Variants in CSMD1 observed in about 807,000 individuals in gnomAD.
The protein encoded by CSMD1 is CUB and Sushi multiple domains 1.
A neutral mutation model predicts 417.5 loss-of-function variants in CSMD1; 213 were observed. The ratio of observed to expected loss-of-function variants is 0.51; its 90% CI spans 0.46 to 0.57. CSMD1 has a LOEUF of 0.57. CSMD1 is among the 20% of genes least tolerant of loss of function. The pLI, the probability that CSMD1 is intolerant of heterozygous loss-of-function variation, is 0.00. For missense variants in CSMD1, 6,923 were observed against 4,529.7 expected (o/e 1.53, Z -15.17); for synonymous variants, 2,862 against 1,736.8 (o/e 1.65, Z -16.11).
chr8:3,920,934 T>C (rs1219611307), intron 5 of CSMD1, among the ~76,000 whole-genome samples: 1 of 152,166 alleles, frequency 6.6e-6, no homozygotes, highest in Non-Finnish European at 1.5e-5. Flanking sequence ...TGTACATTTC[T>C]TTTATTGTAA....
At chr8:2,954,359 C>A in intron 64 of CSMD1, 91 bp from the exon 65 acceptor site, 1 of 754,084 alleles carries the variant, frequency 1.3e-6, no homozygotes, top group Non-Finnish European at 2.1e-6. Context: ...ATTTTCCTTT[C>A]TCCAGATTTT....
chr8:4,898,164 G>C (rs1029171794), intron 1 of CSMD1, among the ~76,000 whole-genome samples: 15 of 152,186 alleles, frequency 9.9e-5, no homozygotes, highest in African/African-American at 3.6e-4. Context: ...TCTGATATTT[G>C]AGGGAGGAAT....
intron 5 of CSMD1, among the ~76,000 whole-genome samples, chr8:3,812,224 A>C (rs1801129169): frequency 1.3e-5 from 2 of 152,196 alleles, no homozygotes; most frequent in Non-Finnish European, 2.9e-5. Context: ...TTGTACTCAA[A>C]AGATACAGGA....
At chr8:3,512,857 A>G (rs752458841) in intron 10 of CSMD1, among the ~76,000 whole-genome samples, 1 of 152,058 alleles carries the variant, frequency 6.6e-6, no homozygotes, top group East Asian at 1.9e-4. Flanking sequence ...CGGCCTCCCA[A>G]AATGCTGGGA....
chr8:4,585,931 A>T (rs1799677227), intron 2 of CSMD1, among the ~76,000 whole-genome samples: 1 of 152,234 alleles, frequency 6.6e-6, no homozygotes, highest in Non-Finnish European at 1.5e-5. Context: ...TGTAACAATA[A>T]AATTATTGAT....
chr8:3,793,105 C>T (rs892179843), intron 5 of CSMD1, among the ~76,000 whole-genome samples: 17 of 152,124 alleles, frequency 1.1e-4, no homozygotes, highest in African/African-American at 3.9e-4. Flanking sequence ...AAAAGTGTCT[C>T]GAGGAGGATA....
rs904498456 is a variant in CSMD1 at position 4,200,620 on chromosome 8, C to G, written c.416-168521G>C. ...GCCTGAAATCCCAGCACTTTGTAGG[C>G]TGAGGTGGGAGGATTTCTTGAGACT... On this transcript the variant is annotated intron_variant, in intron 3 of 69. Transcript: ENST00000635120. 4.6e-5 allele frequency among the ~76,000 whole-genome samples: 7 copies of G among 152,220 alleles called. No individual in the cohort carries two copies. The South Asian group carries it at 1.2e-3, about 27-fold the overall frequency.
At chr8:3,976,508 T>G (rs943942745) in intron 5 of CSMD1, among the ~76,000 whole-genome samples, 2 of 152,182 alleles carry the variant, frequency 1.3e-5, no homozygotes, top group African/African-American at 4.8e-5. Flanking sequence ...TAATAAATAT[T>G]TGTTGAATAG....
At chr8:4,652,817 T>C (rs886440322) in intron 1 of CSMD1, among the ~76,000 whole-genome samples, 15 of 152,106 alleles carry the variant, frequency 9.9e-5, no homozygotes, top group Non-Finnish European at 2.1e-4. Context: ...GGGCATTAGA[T>C]TCTCATAAAG....
At chr8:3,780,299 T>C (rs551182446) in intron 5 of CSMD1, among the ~76,000 whole-genome samples, 7 of 152,364 alleles carry the variant, frequency 4.6e-5, no homozygotes, top group African/African-American at 1.7e-4. Flanking sequence ...TTAGTTCGTA[T>C]TCCGCAAATG....
chr8:4,909,921 G>A (rs968289713), intron 1 of CSMD1, among the ~76,000 whole-genome samples: 1 of 152,102 alleles, frequency 6.6e-6, no homozygotes. Context: ...ATGGGAGTGA[G>A]CCCTTTACAC....
intron 1 of CSMD1, among the ~76,000 whole-genome samples, chr8:4,826,311 G>A (rs192219200): frequency 2.6e-5 from 4 of 151,778 alleles, no homozygotes; most frequent in East Asian, 3.9e-4. Context: ...GTGTATATAT[G>A]TGTGTGTGTG....
chr8:3,927,987 A>G (rs1280684065), intron 5 of CSMD1, among the ~76,000 whole-genome samples: 1 of 152,126 alleles, frequency 6.6e-6, no homozygotes, highest in Non-Finnish European at 1.5e-5. Context: ...TATATTGAAG[A>G]ATATGATGGT....
chr8:3,947,238 G>A (rs560476283), intron 5 of CSMD1, among the ~76,000 whole-genome samples: 18 of 152,264 alleles, frequency 1.2e-4, no homozygotes, highest in African/African-American at 4.3e-4. Context: ...ATGATAAACA[G>A]ATGCTGAATT....
At position 4,083,616 on chromosome 8, in the gene CSMD1, G is replaced by T. The variant is rs568486998; in HGVS notation, c.416-51517C>A. On this transcript the variant is annotated intron_variant, in intron 3 of 69. Transcript: ENST00000635120. ...AAGGATTCCCTATTTAATTAATGGT[G>T]CTGGGAAAACTGGCTAGCCATATGT... is the stretch of plus-strand genomic sequence containing the variant. 5.9e-5 allele frequency among the ~76,000 whole-genome samples: 9 copies of T among 152,254 alleles called. No individual in the cohort carries two copies. In the South Asian group the frequency reaches 8.3e-4, roughly 14 times the overall value.
chr8:3,555,807 G>C (rs1473092198), intron 10 of CSMD1, among the ~76,000 whole-genome samples: 1 of 152,074 alleles, frequency 6.6e-6, no homozygotes. Flanking sequence ...ACAGTTGTAT[G>C]GTTATAGACA....
intron 3 of CSMD1, among the ~76,000 whole-genome samples, chr8:4,178,152 C>T (rs984622424): frequency 6.6e-6 from 1 of 152,140 alleles, no homozygotes; most frequent in African/African-American, 2.4e-5. Context: ...GACCAATATC[C>T]TTGATGCAGA....
chr8:4,546,305 G>C (rs770842036), intron 2 of CSMD1, among the ~76,000 whole-genome samples: 3 of 152,098 alleles, frequency 2.0e-5, no homozygotes, highest in Non-Finnish European at 4.4e-5. Flanking sequence ...GGCCATTTAT[G>C]ATGGTAAATT....
At chr8:4,442,280 A>G (rs1398356897) in intron 2 of CSMD1, among the ~76,000 whole-genome samples, 1 of 152,194 alleles carries the variant, frequency 6.6e-6, no homozygotes, top group Non-Finnish European at 1.5e-5. Context: ...ATAACAGTAA[A>G]AAAATTATTA....
Sources: allele counts gnomAD v4.1 joint callset (sites outside exome capture counted in the v4.1 genomes callset), GRCh38; gene constraint gnomAD v4.1.1; transcripts MANE v1.5; gene names NCBI Gene and HGNC (gene_info 2026-07-23, HGNC 2026-07-21).